Variants in CEP63 observed in about 807,000 individuals in gnomAD.
The protein encoded by CEP63 is centrosomal protein of 63 kDa.
Under a neutral mutation model 89.1 loss-of-function variants are expected in CEP63, and 84 were observed. That is an observed-to-expected ratio of 0.94 (90% CI 0.79 to 1.13). The LOEUF is 1.13. Among genes scored for constraint, CEP63 ranks in the 50% most tolerant of loss-of-function variants. The probability of loss-of-function intolerance (pLI) is 0.00; values close to 1 mark genes in which losing one functional copy is unlikely to be tolerated. For missense variants in CEP63, 838 were observed against 813.3 expected, an observed-to-expected ratio of 1.03 and a Z score of -0.37; for synonymous variants, 267 against 272.5, an observed-to-expected ratio of 0.98 and a Z score of 0.20.
the CEP63 span, among the ~76,000 whole-genome samples, chr3:134,628,619 C>A: frequency 0.97 from 148,462 of 152,314 alleles, 72,469 homozygotes; most frequent in East Asian, 1. Flanking sequence ...TCCCACCTAC[C>A]TTTTTGATAG....
At position 134,510,802 on chromosome 3, in the gene CEP63, G is replaced by A. The variant is rs529327017; in HGVS notation, c.222+3516G>A. On this transcript the variant is annotated intron_variant, in intron 3 of 14. Transcript: ENST00000675561. ...CCACCCTGGCTGCAGTTCTGGCCCT[G>A]GAGGCCAGCAAAGCACCTGGGGTAG... is the stretch of plus-strand genomic sequence containing the variant. 251 of 342,504 alleles carry A rather than the reference G, an allele frequency of 7.3e-4. 1 individual carries two copies. The South Asian group carries it at 7.4e-3, about 10-fold the overall frequency. The allele number at this position is 342,504 out of a possible 1,614,324, so 21.2% of individuals were successfully genotyped here.
rs1957499869 is a variant in CEP63 at position 134,563,236 on chromosome 3, G to C, written c.*1701G>C. On this transcript the variant is annotated 3_prime_UTR_variant, in exon 15 of 15. Transcript: ENST00000675561. ...TTTCTTCCCCCAGAATCTTATCTCA[G>C]ACCCAACCGTTTCCCTCCTGCACTT... 6.6e-6 allele frequency: 1 copy of C among 152,212 alleles called. No individual in the cohort carries two copies. Among genetic ancestry groups the C allele is most frequent in the Non-Finnish European group, 1.5e-5 (1 of 68,112 alleles). The allele number at this position is 152,212 out of a possible 1,614,324, so 9.4% of individuals were successfully genotyped here.
At chr3:134,567,844 C>T (rs1490627495), downstream of CEP63, among the ~76,000 whole-genome samples, 1 of 152,230 alleles carries the variant, frequency 6.6e-6, no homozygotes, top group East Asian at 1.9e-4. Flanking sequence ...TAAGGAGAAG[C>T]TGCAGGAATG....
At chr3:134,774,389 A>C in the CEP63 span, among the ~76,000 whole-genome samples, 2 of 152,322 alleles carry the variant, frequency 1.3e-5, no homozygotes, top group East Asian at 3.9e-4. Context: ...CTAATGTAAC[A>C]AAGAGTAAAA....
intron 11 of CEP63, among the ~76,000 whole-genome samples, chr3:134,572,982 G>C (rs1958076243): frequency 6.6e-6 from 1 of 152,032 alleles, no homozygotes; most frequent in Admixed American, 6.6e-5. Flanking sequence ...TCTCAGTATG[G>C]TTTTCTTTTG....
At chr3:134,735,510 A>G in the CEP63 span, among the ~76,000 whole-genome samples, 1 of 152,164 alleles carries the variant, frequency 6.6e-6, no homozygotes, top group East Asian at 1.9e-4. Context: ...AAAATGTGGT[A>G]CTAAATTGAT....
chr3:134,625,134 G>A, the CEP63 span: 1 of 1,594,702 alleles, frequency 6.3e-7, no homozygotes, highest in Non-Finnish European at 8.5e-7. Flanking sequence ...CCCAGGGGTA[G>A]GCTGGAAACA....
At chr3:134,758,473 G>C in the CEP63 span, among the ~76,000 whole-genome samples, 5 of 152,166 alleles carry the variant, frequency 3.3e-5, no homozygotes, top group Non-Finnish European at 7.3e-5. Context: ...CTCTCTCACT[G>C]TTCTGCAGAC....
At chr3:134,776,189 C>T in the CEP63 span, among the ~76,000 whole-genome samples, 1 of 152,198 alleles carries the variant, frequency 6.6e-6, no homozygotes. Context: ...GTCCCTGGCC[C>T]CAGAGAGCCA....
chr3:134,543,789 C>T (rs1455430267), intron 6 of CEP63, among the ~76,000 whole-genome samples: 4 of 152,154 alleles, frequency 2.6e-5, no homozygotes, highest in Non-Finnish European at 5.9e-5. Context: ...CTCCTTCTCA[C>T]CCTCACCCAA....
chr3:134,624,822 G>A, the CEP63 span, among the ~76,000 whole-genome samples: 31 of 152,292 alleles, frequency 2.0e-4, no homozygotes, highest in Non-Finnish European at 3.5e-4. Context: ...TGTATGGGGT[G>A]GGAGCAACAG....
chr3:134,632,690 T>A, the CEP63 span, among the ~76,000 whole-genome samples: 1 of 151,766 alleles, frequency 6.6e-6, no homozygotes, highest in Admixed American at 6.6e-5. Flanking sequence ...GCTTCCATTT[T>A]AAGAAAGTAG....
chr3:134,703,808 A>G, the CEP63 span, among the ~76,000 whole-genome samples: 138 of 152,320 alleles, frequency 9.1e-4, 2 homozygotes, highest in Non-Finnish European at 4.4e-5. Context: ...AAGTTTAAAA[A>G]TAGAAAAATA....
chr3:134,658,143 G>A, the CEP63 span, among the ~76,000 whole-genome samples: 2 of 152,080 alleles, frequency 1.3e-5, no homozygotes, highest in South Asian at 2.1e-4. Flanking sequence ...TGATCTGCCC[G>A]CCTCAGCCTC....
the CEP63 span, among the ~76,000 whole-genome samples, chr3:134,617,092 A>C: frequency 6.6e-6 from 1 of 152,154 alleles, no homozygotes. Flanking sequence ...TGGATCAAGG[A>C]GGCGATACCA....
At chr3:134,749,456 C>T in the CEP63 span, among the ~76,000 whole-genome samples, 1 of 151,906 alleles carries the variant, frequency 6.6e-6, no homozygotes, top group South Asian at 2.1e-4. Flanking sequence ...CCAAAAGAGC[C>T]TGAACCAGGT....
the CEP63 span, among the ~76,000 whole-genome samples, chr3:134,593,155 G>A: frequency 1.3e-5 from 2 of 152,120 alleles, no homozygotes; most frequent in South Asian, 4.2e-4. Flanking sequence ...ATTGCGTCTT[G>A]GATATGGGAT....
chr3:134,523,797 T>C (rs1489094002), intron 3 of CEP63, among the ~76,000 whole-genome samples: 3 of 152,182 alleles, frequency 2.0e-5, no homozygotes, highest in Non-Finnish European at 2.9e-5. Flanking sequence ...TGTAGCCCTG[T>C]AGTATAGTTT....
chr3:134,647,565 T>A, the CEP63 span: 2 of 909,726 alleles, frequency 2.2e-6, no homozygotes, highest in South Asian at 2.9e-5. Context: ...AGTTGCAGAC[T>A]TATCTAGGTT....
Sources: allele counts gnomAD v4.1 joint callset (sites outside exome capture counted in the v4.1 genomes callset), GRCh38; gene constraint gnomAD v4.1.1; transcripts MANE v1.5; gene names NCBI Gene and HGNC (gene_info 2026-07-23, HGNC 2026-07-21).